The following PEMT variants were observed in gnomAD, a reference collection of about 807,000 sequenced individuals.
The protein encoded by PEMT is phospholipid methyltransferase.
Under a neutral mutation model 27.4 loss-of-function variants are expected in PEMT, and 23 were observed. The observed-to-expected ratio is 0.84, with a 90% CI of 0.60 to 1.19. PEMT has a LOEUF of 1.19. Among genes scored for constraint, PEMT ranks in the 50% most tolerant of loss-of-function variants. The pLI is 0.00. For synonymous variants in PEMT, 137 were observed against 139.1 expected (o/e 0.98, Z 0.11); for missense variants, 307 against 310.1 (o/e 0.99, Z 0.07).
At chr17:17,530,091 C>T (rs1907982478) in intron 2 of PEMT, among the ~76,000 whole-genome samples, 1 of 152,128 alleles carries the variant, frequency 6.6e-6, no homozygotes, top group African/African-American at 2.4e-5. Flanking sequence ...AGGGGAAGGA[C>T]AAACCCAAAA....
At chr17:17,552,760 C>T (rs1289565708) in intron 2 of PEMT, among the ~76,000 whole-genome samples, 1 of 152,028 alleles carries the variant, frequency 6.6e-6, no homozygotes, top group Non-Finnish European at 1.5e-5. Context: ...GACCCAAGAT[C>T]TAAAATTAGG....
chr17:17,579,088 G>C (rs1430385332), intron 1 of PEMT, among the ~76,000 whole-genome samples: 1 of 152,342 alleles, frequency 6.6e-6, no homozygotes, highest in African/African-American at 2.4e-5. Flanking sequence ...TTTTGGGGAA[G>C]CGGTGGGGAG....
rs369781354 is a variant in PEMT at position 17,543,519 on chromosome 17, C to T, written c.205-21124G>A. On this transcript the variant is annotated intron_variant, in intron 2 of 6. Transcript: ENST00000255389. The stretch of plus-strand genomic sequence containing the variant: ...CCTGAAGCACAGCTGCAGTGACTTT[C>T]ATGAAGGCATGAAATGCTCTCACGA... Among the ~76,000 whole-genome samples, 3 of 152,116 alleles carry T rather than the reference C, an allele frequency of 2.0e-5. No homozygotes were observed. In the East Asian group the frequency reaches 5.8e-4, roughly 29 times the overall value.
chr17:17,518,342 G>A (rs751422636), intron 3 of PEMT, among the ~76,000 whole-genome samples: 5 of 152,196 alleles, frequency 3.3e-5, no homozygotes, highest in African/African-American at 7.2e-5. Flanking sequence ...AGAGGGTAGC[G>A]GTCCAGCCAA....
chr17:17,571,793 C>T (rs73298588), intron 2 of PEMT, among the ~76,000 whole-genome samples: 9,984 of 151,862 alleles, frequency 0.066, 855 homozygotes, highest in African/African-American at 0.19. Flanking sequence ...ATGGCAGCCT[C>T]GACCCCCAGA....
At chr17:17,543,008 G>C (rs142906888) in intron 2 of PEMT, among the ~76,000 whole-genome samples, 2 of 152,174 alleles carry the variant, frequency 1.3e-5, no homozygotes, top group Non-Finnish European at 2.9e-5. Flanking sequence ...TGGCCTCCTC[G>C]CATCAGTTAC....
chr17:17,576,346 C>T (rs565116498), intron 2 of PEMT, among the ~76,000 whole-genome samples: 1 of 152,360 alleles, frequency 6.6e-6, no homozygotes, highest in South Asian at 2.1e-4. Context: ...CATCCCCTGG[C>T]ACCCATCACG....
chr17:17,564,584 C>T (rs753426910), intron 2 of PEMT, among the ~76,000 whole-genome samples: 5 of 152,080 alleles, frequency 3.3e-5, no homozygotes, highest in Admixed American at 1.3e-4. Flanking sequence ...CAGCAACATC[C>T]GGCCAGCTCA....
intron 2 of PEMT, among the ~76,000 whole-genome samples, chr17:17,537,337 AC>A (rs1338827060): frequency 6.6e-6 from 1 of 150,728 alleles, no homozygotes; most frequent in Non-Finnish European, 1.5e-5. Context: ...GCTACTAAGA[AC>A]CCCCCACCGG....
chr17:17,518,665 G>A (rs1907035269), intron 3 of PEMT, among the ~76,000 whole-genome samples: 1 of 152,186 alleles, frequency 6.6e-6, no homozygotes. Context: ...CATGACCCAG[G>A]CTTGGCTCAA....
At chr17:17,521,066 C>T (rs1176996353) in intron 3 of PEMT, among the ~76,000 whole-genome samples, 2 of 152,224 alleles carry the variant, frequency 1.3e-5, no homozygotes, top group East Asian at 1.9e-4. Context: ...CAGGCTGGTC[C>T]GACGGAGATG....
At chr17:17,575,661 G>T (rs1344954258) in intron 2 of PEMT, among the ~76,000 whole-genome samples, 1 of 152,196 alleles carries the variant, frequency 6.6e-6, no homozygotes, top group Non-Finnish European at 1.5e-5. Flanking sequence ...CCCAGCCAAG[G>T]CTTCTCAGGA....
In PEMT at chr17:17,562,651, T is replaced by C. The variant is rs185186079; in HGVS notation, c.204+14269A>G. Among the ~76,000 whole-genome samples the C allele has an allele frequency of 4.4e-3, 668 of 152,076 alleles. 3 individuals carry two copies. Among genetic ancestry groups the C allele is most frequent in the African/African-American group, 0.015 (608 of 41,482 alleles). The stretch of plus-strand genomic sequence containing the variant: ...TGGTGAAACCTTGTCTCTACTAAAA[T>C]TGCAAAAATTAGCCGGGCATGGTGG... On this transcript the variant is annotated intron_variant, in intron 2 of 6. Transcript: ENST00000255389.
intron 1 of PEMT, among the ~76,000 whole-genome samples, chr17:17,585,854 G>A (rs955516926): frequency 2.0e-5 from 3 of 151,946 alleles, no homozygotes; most frequent in Non-Finnish European, 4.4e-5. Flanking sequence ...AGGCTGAGGC[G>A]GGCGTATCAT....
At chr17:17,544,199 C>T (rs1909086544) in intron 2 of PEMT, among the ~76,000 whole-genome samples, 1 of 152,110 alleles carries the variant, frequency 6.6e-6, no homozygotes, top group African/African-American at 2.4e-5. Context: ...GAAACAAGAA[C>T]ATGGAGGCAC....
chr17:17,582,259 C>G lies in PEMT; in HGVS notation c.97-5232G>C. 2 of 985,482 alleles carry G rather than the reference C, an allele frequency of 2.0e-6. No individual in the cohort carries two copies. Among genetic ancestry groups the G allele is most frequent in the African/African-American group, 1.7e-5 (1 of 57,364 alleles). The allele number at this position is 985,482 out of a possible 1,614,324, so 61.0% of individuals were successfully genotyped here. On this transcript the variant is annotated intron_variant, in intron 1 of 6. Coordinates refer to ENST00000255389, the MANE Select transcript of PEMT (RefSeq NM_148172.3). This position sits in a 1 kb window ranked among gnomAD's most constrained non-coding sequence, Gnocchi z 4.9. ...TCGGAATCTGACTAAAGGAAAGGAGCTACCCACCACGGCCAGGAGGTCTGC... is the reference window on the plus strand; with the variant it reads ...TCGGAATCTGACTAAAGGAAAGGAGGTACCCACCACGGCCAGGAGGTCTGC...
chr17:17,542,844 G>T (rs957889236), intron 2 of PEMT, among the ~76,000 whole-genome samples: 1 of 152,202 alleles, frequency 6.6e-6, no homozygotes, highest in Non-Finnish European at 1.5e-5. Flanking sequence ...TTCGGCCACC[G>T]TTGCAGGAGC....
At chr17:17,565,349 CT>C (rs1247731616) in intron 2 of PEMT, 2 of 152,332 alleles carry the variant, frequency 1.3e-5, no homozygotes, top group African/African-American at 4.8e-5. Context: ...CCAGTGTCCC[CT>C]TTTTTGAATA....
chr17:17,537,061 A>T (rs1908526182), intron 2 of PEMT, among the ~76,000 whole-genome samples: 1 of 152,166 alleles, frequency 6.6e-6, no homozygotes, highest in South Asian at 2.1e-4. Context: ...TGCTCCACTG[A>T]CGGGTCCCAC....
Sources: gnomAD v4.1 joint callset for allele counts (sites outside exome capture counted in the v4.1 genomes callset) on GRCh38, gnomAD v4.1.1 for gene constraint, Gnocchi (gnomAD v3.1) non-coding constraint, MANE v1.5 for transcripts, NCBI Gene and HGNC (gene_info 2026-07-23, HGNC 2026-07-21) for gene names.